Variants in KAZN observed in about 807,000 individuals in gnomAD.
The protein encoded by KAZN is kazrin.
In KAZN, 40 loss-of-function variants were observed where a neutral mutation model predicts 87.4. The observed-to-expected ratio is 0.46, with a 90% CI of 0.36 to 0.60. The LOEUF (loss-of-function observed/expected upper bound fraction) is 0.60, where lower values mean the gene tolerates loss of function less well. Ranked by LOEUF, KAZN falls within the 20% of genes least tolerant of loss-of-function variation. KAZN has a pLI of 0.00. For synonymous variants in KAZN, 466 were observed against 458.3 expected, an observed-to-expected ratio of 1.02 and a Z score of -0.22; for missense variants, 898 against 1,073.9, an observed-to-expected ratio of 0.84 and a Z score of 2.29.
At position 14,004,415 on chromosome 1, in the gene KAZN, A is replaced by G. The variant is rs1042125595; in HGVS notation, c.91+110659A>G. On this transcript the variant is annotated intron_variant, in intron 1 of 16. Coordinates refer to the KAZN transcript ENST00000636203. Reference sequence around the variant, plus strand: ...TGTGCATAAATACCAGTACATTTACATAGTACAAAAATGTACAATGTCAAT... The same window carrying G: ...TGTGCATAAATACCAGTACATTTACGTAGTACAAAAATGTACAATGTCAAT... 2.0e-5 allele frequency among the ~76,000 whole-genome samples: 3 copies of G among 152,262 alleles called. No individual in the cohort carries two copies. In the East Asian group the frequency reaches 5.8e-4, roughly 29 times the overall value.
chr1:14,065,939 A>G (rs1642990331), intron 1 of KAZN, among the ~76,000 whole-genome samples: 1 of 152,174 alleles, frequency 6.6e-6, no homozygotes, highest in Admixed American at 6.5e-5. Context: ...TATACATTGT[A>G]TCCAATATGT....
intron 2 of KAZN, among the ~76,000 whole-genome samples, chr1:14,364,449 A>C (rs575015702): frequency 9.8e-4 from 149 of 152,300 alleles, no homozygotes; most frequent in African/African-American, 3.5e-3. Flanking sequence ...TTTCTGAACA[A>C]ATGTTCACTA....
chr1:14,163,357 G>C lies in KAZN; in HGVS notation c.92-17078G>C, dbSNP rs182606800. 2.7e-3 allele frequency among the ~76,000 whole-genome samples: 408 copies of C among 152,260 alleles called. 1 individual carries two copies. Among genetic ancestry groups the C allele is most frequent in the African/African-American group, 9.5e-3 (396 of 41,560 alleles). On this transcript the variant is annotated intron_variant, in intron 1 of 16. Transcript: ENST00000636203. Reference sequence around the variant, plus strand: ...ATACATTGGCATAGTTCTGAAGTTTGTGTTTCTTCTCTCTTGATTTTTTTC... The same window carrying C: ...ATACATTGGCATAGTTCTGAAGTTTCTGTTTCTTCTCTCTTGATTTTTTTC...
chr1:14,939,919 G>A (rs1660861728), intron 1 of KAZN, among the ~76,000 whole-genome samples: 2 of 152,190 alleles, frequency 1.3e-5, no homozygotes, highest in South Asian at 2.1e-4. Context: ...CTCAGGCTCA[G>A]CCTCAGGAGT....
intron 1 of KAZN, among the ~76,000 whole-genome samples, chr1:14,925,026 G>A (rs1296643415): frequency 6.6e-6 from 1 of 152,276 alleles, no homozygotes; most frequent in East Asian, 1.9e-4. Flanking sequence ...CCTCGCATTT[G>A]CTAGGAGCGG....
At chr1:14,134,202 G>A (rs947551587) in intron 1 of KAZN, among the ~76,000 whole-genome samples, 3 of 152,146 alleles carry the variant, frequency 2.0e-5, no homozygotes, top group African/African-American at 2.4e-5. Context: ...AAAGTGGTAA[G>A]ATAAAGTGAT....
intron 1 of KAZN, among the ~76,000 whole-genome samples, chr1:14,622,048 C>T (rs1388050927): frequency 1.3e-5 from 2 of 152,212 alleles, no homozygotes; most frequent in Non-Finnish European, 2.9e-5. Context: ...GCTACTGAGG[C>T]AGCATCTCCT....
At chr1:14,285,377 T>C (rs1462593814) in intron 2 of KAZN, among the ~76,000 whole-genome samples, 1 of 152,176 alleles carries the variant, frequency 6.6e-6, no homozygotes, top group Non-Finnish European at 1.5e-5. Context: ...AGTCTATTGG[T>C]TCCTCTCTGA....
rs1310974760 is a variant in KAZN, at chr1:14,111,518, C to T, written c.92-68917C>T. Among the ~76,000 whole-genome samples the T allele has an allele frequency of 1.0e-4, 14 of 134,762 alleles. 3 individuals are homozygous for T. The highest frequency in any genetic ancestry group is 1.4e-4 in the Non-Finnish European group (9 of 62,996). 88.4% of individuals were successfully genotyped at this position (134,762 alleles called of 152,430 possible). On this transcript the variant is annotated intron_variant, in intron 1 of 16. Transcript: ENST00000636203. ...GTCCAAAAGGACTGGGGCAGCATTG[C>T]TGCACTTGAAGGAAATGGTTCGTTT...
At chr1:14,681,665 T>A (rs908641098) in intron 1 of KAZN, among the ~76,000 whole-genome samples, 15 of 8,936 alleles carry the variant, frequency 1.7e-3, no homozygotes, top group East Asian at 4.4e-3. Context: ...ATATTTTTTT[T>A]TTTTTTTTTT....
At chr1:14,268,238 C>T (rs1240708755) in intron 2 of KAZN, among the ~76,000 whole-genome samples, 1 of 152,182 alleles carries the variant, frequency 6.6e-6, no homozygotes, top group Non-Finnish European at 1.5e-5. Flanking sequence ...TTGCACAGTG[C>T]CTGGTACATA....
intron 1 of KAZN, among the ~76,000 whole-genome samples, chr1:14,867,724 A>ACCCCCCCCCCCC (rs1553148134): frequency 9.3e-6 from 1 of 107,460 alleles, no homozygotes; most frequent in Admixed American, 1.1e-4. Context: ...CTTTGAAGAC[A>ACCCCCCCCCCCC]CCCCCCCCCC....
At chr1:15,104,831 G>A (rs919046277) in intron 13 of KAZN, among the ~76,000 whole-genome samples, 1 of 152,200 alleles carries the variant, frequency 6.6e-6, no homozygotes, top group Non-Finnish European at 1.5e-5. Context: ...CAAGAGATCA[G>A]TAGCACTATC....
intron 2 of KAZN, among the ~76,000 whole-genome samples, chr1:14,386,727 C>T (rs1661933602): frequency 6.6e-6 from 1 of 152,100 alleles, no homozygotes; most frequent in Admixed American, 6.5e-5. Context: ...CATGACCTTT[C>T]TCTCTGGCTG....
intron 1 of KAZN, among the ~76,000 whole-genome samples, chr1:13,992,606 C>T (rs1301883481): frequency 6.6e-6 from 1 of 152,128 alleles, no homozygotes; most frequent in Admixed American, 6.5e-5. Flanking sequence ...TTGCAGGTTC[C>T]AGAATTCTGC....
At chr1:14,580,015 G>T (rs941953799) in intron 2 of KAZN, among the ~76,000 whole-genome samples, 3 of 152,074 alleles carry the variant, frequency 2.0e-5, no homozygotes, top group Admixed American at 6.6e-5. Context: ...TCTGAGTAAG[G>T]GATAATTAGT....
chr1:14,405,072 G>A (rs1054123382), intron 2 of KAZN, among the ~76,000 whole-genome samples: 2 of 152,190 alleles, frequency 1.3e-5, no homozygotes, highest in African/African-American at 4.8e-5. Flanking sequence ...GGGGATAGCA[G>A]TGTGTGTGAA....
chr1:14,593,051 G>T (rs749655812), intron 2 of KAZN, among the ~76,000 whole-genome samples: 3 of 152,192 alleles, frequency 2.0e-5, no homozygotes, highest in Non-Finnish European at 2.9e-5. Flanking sequence ...AGGAAGTGCA[G>T]GCAGTTTTGT....
At chr1:14,165,110 C>A (rs1280009290) in intron 1 of KAZN, among the ~76,000 whole-genome samples, 1 of 152,028 alleles carries the variant, frequency 6.6e-6, no homozygotes, top group Non-Finnish European at 1.5e-5. Flanking sequence ...AGAATAGGAC[C>A]AGAATTGTGT....
Sources: allele counts gnomAD v4.1 joint callset (sites outside exome capture counted in the v4.1 genomes callset), GRCh38; gene constraint gnomAD v4.1.1; transcripts MANE v1.5; gene names NCBI Gene and HGNC (gene_info 2026-07-23, HGNC 2026-07-21).